Variants in SIRT6 observed in about 807,000 individuals in gnomAD.
The protein encoded by SIRT6 is sirtuin 6.
A neutral mutation model predicts 33.6 loss-of-function variants in SIRT6; 21 were observed. The observed-to-expected ratio is 0.62, with a 90% CI of 0.44 to 0.90. SIRT6 has a LOEUF of 0.90. SIRT6 is among the 40% of genes least tolerant of loss of function. The pLI is 0.00. For synonymous variants in SIRT6, 221 were observed against 223.9 expected (o/e 0.99, Z 0.12); for missense variants, 504 against 510.6 (o/e 0.99, Z 0.12).
intron 2 of SIRT6, among the ~76,000 whole-genome samples, chr19:4,179,997 C>T (rs928988878): frequency 2.6e-5 from 4 of 151,122 alleles, no homozygotes; most frequent in African/African-American, 9.7e-5. Context: ...AGGGCTTCAG[C>T]TTCCAGCACA....
chr19:4,178,347 A>G (rs1967429432), intron 3 of SIRT6, among the ~76,000 whole-genome samples: 1 of 152,032 alleles, frequency 6.6e-6, no homozygotes, highest in African/African-American at 2.4e-5. Flanking sequence ...TTATAAGCAG[A>G]GAAAAATCTC....
chr19:4,180,969 G>A (rs1032859366), intron 1 of SIRT6, 60 bp from the exon 2 acceptor site: 40 of 1,505,876 alleles, frequency 2.7e-5, no homozygotes, highest in East Asian at 1.2e-4. Context: ...GCAAGGCCAC[G>A]CACGAGCCAC....
In SIRT6 at chr19:4,182,549, C is replaced by A. The variant is rs759782142; in HGVS notation, c.-10G>T. ...CGTAATTCACCGACATCCTCGACTGCCCCACGGGAACAATAAAGTTTCCCT... is the reference window on the plus strand; with the variant it reads ...CGTAATTCACCGACATCCTCGACTGACCCACGGGAACAATAAAGTTTCCCT... On this transcript the variant is annotated 5_prime_UTR_variant, in exon 1 of 8. Transcript: ENST00000337491. 2.9e-5 allele frequency: 46 copies of A among 1,608,760 alleles called. No homozygotes were observed. The highest frequency in any genetic ancestry group is 3.3e-4 in the Middle Eastern group (2 of 6,078).
intron 1 of SIRT6, among the ~76,000 whole-genome samples, chr19:4,181,471 C>T (rs1967660528): frequency 6.6e-6 from 1 of 152,186 alleles, no homozygotes; most frequent in African/African-American, 2.4e-5. Flanking sequence ...ACAGTAAGTG[C>T]TCTATAAATG....
In SIRT6 at chr19:4,175,502, TGAGGTGAC is replaced by T; in HGVS notation, c.614+170_614+177del. 4.7e-6 allele frequency: 3 copies of T among 641,572 alleles called. No individual in the cohort carries two copies. The South Asian group carries it at 6.1e-5, about 13-fold the overall frequency. The allele number at this position is 641,572 out of a possible 1,614,324, so 39.7% of individuals were successfully genotyped here. On this transcript the variant is annotated intron_variant, in intron 6 of 7. Coordinates refer to ENST00000337491, the MANE Select transcript of SIRT6 (RefSeq NM_016539.4). ...CTTGTGTAGCACCCACCCAGAGCCA[TGAGGTGAC>T]GAGTGTGTGTGAGTGCGTGTGTGCA...
intron 6 of SIRT6, 179 bp downstream of exon 6, chr19:4,175,501 A>G: frequency 1.5e-6 from 1 of 646,616 alleles, no homozygotes; most frequent in South Asian, 2.0e-5. Flanking sequence ...ACCCAGAGCC[A>G]TGAGGTGACG....
chr19:4,175,157 G>T lies in SIRT6; in HGVS notation c.615-6C>A. The T allele has an allele frequency of 6.3e-7, 1 of 1,598,248 alleles. No individual in the cohort carries two copies. The highest frequency in any genetic ancestry group is 8.5e-7 in the Non-Finnish European group (1 of 1,175,282). ...TGATGGACAGGTCGGCGTTCCTGGG[G>T]CCGGGGAGCGTGGGCTGAGCCTGAT... On this transcript the variant is annotated splice_polypyrimidine_tract_variant and splice_region_variant and intron_variant, in intron 6 of 7. Transcript: ENST00000337491.
chr19:4,179,346 G>A, intron 2 of SIRT6, 60 bp from the exon 3 acceptor site: 1 of 1,493,554 alleles, frequency 6.7e-7, no homozygotes, highest in East Asian at 2.4e-5. Context: ...AGAGACAGAG[G>A]GAGAATCAGA....
At chr19:4,180,468 C>A (rs1476834221) in intron 2 of SIRT6, 1 of 205,690 alleles carries the variant, frequency 4.9e-6, no homozygotes, top group Non-Finnish European at 9.8e-6. Context: ...ACTGCCTCCA[C>A]CTCCCAGGTT....
Position 4,174,333 on chromosome 19 carries a change from C to T in SIRT6, c.*284G>A. ...AGTTCACTCCTGTTTAAGCTGGAGA[C>T]CAGGGAGGGCCCAGCCTCACCTCTG... On this transcript the variant is annotated 3_prime_UTR_variant, in exon 8 of 8. Transcript: ENST00000337491. The surrounding 1 kb of genome is among the most constrained non-coding windows in gnomAD (Gnocchi z 4.2). 3.3e-6 allele frequency: 1 copy of T among 307,098 alleles called. No individual in the cohort carries two copies. Among genetic ancestry groups the T allele is most frequent in the East Asian group, 5.4e-5 (1 of 18,688 alleles). 19.0% of individuals were successfully genotyped at this position (307,098 alleles called of 1,614,324 possible). A position where few individuals can be genotyped will look rare whatever the true frequency, so the allele number is the denominator to read the frequency against.
intron 4 of SIRT6, among the ~76,000 whole-genome samples, chr19:4,176,315 G>A (rs1479249077): frequency 2.6e-5 from 4 of 152,206 alleles, no homozygotes; most frequent in African/African-American, 9.7e-5. Context: ...ACTGGGCCGG[G>A]CGTGGTGGCT....
At chr19:4,175,355 A>G in intron 6 of SIRT6, 2 of 712,642 alleles carry the variant, frequency 2.8e-6, no homozygotes, top group East Asian at 5.5e-5. Context: ...GGGCCCTTAG[A>G]CACTTCCGGG....
At chr19:4,179,332 A>G in intron 2 of SIRT6, 46 bp from the exon 3 acceptor site, 1 of 1,520,916 alleles carries the variant, frequency 6.6e-7, no homozygotes, top group Non-Finnish European at 8.9e-7. Flanking sequence ...AGGGGAACAG[A>G]AAAAGAGACA....
In SIRT6 at chr19:4,175,082, A is replaced by G. The variant is rs1055028549; in HGVS notation, c.684T>C (p.Ala228=). The G allele has an allele frequency of 7.5e-6, 12 of 1,595,162 alleles. No homozygotes were observed. The highest frequency in any genetic ancestry group is 1.0e-5 in the Non-Finnish European group (12 of 1,171,146). Residue 228 remains alanine, a synonymous_variant, in exon 7 of 8, where the codon GCT becomes GCC. Coordinates refer to ENST00000337491, the MANE Select transcript of SIRT6 (RefSeq NM_016539.4). ...CCAGGCGGCCTCCCCGGCGCTTGGTAGCCAGCGGCAGGTTCCCGCTGGGCC... is the reference window on the plus strand; with the variant it reads ...CCAGGCGGCCTCCCCGGCGCTTGGTGGCCAGCGGCAGGTTCCCGCTGGGCC... ...QIRPSGNLPL[A]TKRRGGRLVI...
rs781775932 is a variant in SIRT6, at chr19:4,175,773, A to C, written c.534-13T>G. 1 of 1,559,866 alleles carries C rather than the reference A, an allele frequency of 6.4e-7. No homozygotes were observed. Among genetic ancestry groups the C allele is most frequent in the East Asian group, 2.4e-5 (1 of 42,132 alleles). ...CCTCAGCTCTCCCCTGCAATGAGGAAGCTGAGGAGAGTCCTCAGGGGCCTC... is the reference window on the plus strand; with the variant it reads ...CCTCAGCTCTCCCCTGCAATGAGGACGCTGAGGAGAGTCCTCAGGGGCCTC... On this transcript the variant is annotated splice_polypyrimidine_tract_variant and intron_variant, in intron 5 of 7. Coordinates refer to ENST00000337491, the MANE Select transcript of SIRT6 (RefSeq NM_016539.4).
At chr19:4,179,719 G>A (rs1224773914) in intron 2 of SIRT6, among the ~76,000 whole-genome samples, 4 of 152,236 alleles carry the variant, frequency 2.6e-5, no homozygotes, top group African/African-American at 9.6e-5. Flanking sequence ...AGATCCTCTG[G>A]CCCCAAGAGT....
intron 3 of SIRT6, 39 bp downstream of exon 3, chr19:4,179,065 G>T: frequency 1.2e-6 from 2 of 1,604,106 alleles, no homozygotes; most frequent in East Asian, 2.2e-5. Flanking sequence ...GGTTTGTGGG[G>T]CCCCAAGCTC....
chr19:4,180,151 C>T (rs1169406231), intron 2 of SIRT6, among the ~76,000 whole-genome samples: 3 of 117,610 alleles, frequency 2.6e-5, no homozygotes, highest in Middle Eastern at 8.9e-3. Flanking sequence ...GTTGCCCAGG[C>T]TGGAGTACAA....
At chr19:4,180,546 A>G in intron 2 of SIRT6, 1 of 383,320 alleles carries the variant, frequency 2.6e-6, no homozygotes, top group East Asian at 4.6e-5. Flanking sequence ...ACAACTGGCT[A>G]ATTTTTGTAT....
Sources: allele counts gnomAD v4.1 joint callset (sites outside exome capture counted in the v4.1 genomes callset), GRCh38; gene constraint gnomAD v4.1.1; non-coding constraint Gnocchi (gnomAD v3.1); transcripts MANE v1.5; gene names NCBI Gene and HGNC (gene_info 2026-07-23, HGNC 2026-07-21).